TBC1D32: variants seen among roughly 807,000 people sequenced by gnomAD.
TBC1D32 encodes the protein protein broad-minded.
TBC1D32 carries 151 observed loss-of-function variants against 170.3 expected under a neutral mutation model. The ratio of observed to expected loss-of-function variants is 0.89; its 90% CI spans 0.78 to 1.01. The LOEUF (loss-of-function observed/expected upper bound fraction) is 1.01, where lower values mean the gene tolerates loss of function less well. Among genes scored for constraint, TBC1D32 ranks in the 50% least tolerant of loss-of-function variants. The pLI, the probability that TBC1D32 is intolerant of heterozygous loss-of-function variation, is 0.00. For synonymous variants in TBC1D32, 498 were observed against 488.0 expected (o/e 1.02, Z -0.27); for missense variants, 1,464 against 1,457.1 (o/e 1.00, Z -0.08).
At chr6:121,334,674 TCAGTAC>T (rs1375835668), upstream of TBC1D32, 1 of 558,022 alleles carries the variant, frequency 1.8e-6, no homozygotes, top group Non-Finnish European at 3.2e-6. Context: ...TTGCTAGCCT[TCAGTAC>T]CAGCAGACCT....
intron 30 of TBC1D32, chr6:121,095,933 A>T (rs537956895): frequency 1.4e-4 from 22 of 152,256 alleles, no homozygotes; most frequent in Admixed American, 1.4e-3. Flanking sequence ...TATCAGGATG[A>T]TGCTGGCCTT....
chr6:121,188,929 G>C (rs1011311176), intron 22 of TBC1D32, among the ~76,000 whole-genome samples: 1 of 152,014 alleles, frequency 6.6e-6, no homozygotes, highest in African/African-American at 2.4e-5. Flanking sequence ...TTTGGCCTTT[G>C]CTCCAATAGA....
At chr6:121,227,793 A>G (rs997083139) in intron 20 of TBC1D32, among the ~76,000 whole-genome samples, 5 of 152,066 alleles carry the variant, frequency 3.3e-5, no homozygotes, top group Non-Finnish European at 5.9e-5. Flanking sequence ...TGATGTTTTT[A>G]TATCAGTGTT....
chr6:121,087,226 T>G (rs1239280323), intron 31 of TBC1D32, among the ~76,000 whole-genome samples: 1 of 152,248 alleles, frequency 6.6e-6, no homozygotes, highest in Non-Finnish European at 1.5e-5. Flanking sequence ...AATCTTTCAG[T>G]GGTCTAATCT....
At chr6:121,334,184 A>T in intron 1 of TBC1D32, 92 bp downstream of exon 1, 1 of 1,079,052 alleles carries the variant, frequency 9.3e-7, no homozygotes, top group Non-Finnish European at 1.3e-6. Flanking sequence ...GCACTATTTT[A>T]AAAACAATAA....
chr6:121,231,339 A>G (rs1795711052), intron 20 of TBC1D32, among the ~76,000 whole-genome samples: 1 of 152,172 alleles, frequency 6.6e-6, no homozygotes, highest in African/African-American at 2.4e-5. Flanking sequence ...GCATGTGGGC[A>G]GTTCCATATT....
intron 22 of TBC1D32, among the ~76,000 whole-genome samples, chr6:121,193,331 G>A (rs1400212250): frequency 6.6e-6 from 1 of 152,282 alleles, no homozygotes; most frequent in East Asian, 1.9e-4. Flanking sequence ...ACATAGAGGA[G>A]GGGATCCAAC....
At chr6:121,195,827 A>G (rs1330800272) in intron 22 of TBC1D32, among the ~76,000 whole-genome samples, 1 of 152,188 alleles carries the variant, frequency 6.6e-6, no homozygotes, top group Non-Finnish European at 1.5e-5. Flanking sequence ...CACATCCCTG[A>G]AGGACAGTGT....
At chr6:121,220,556 A>G (rs1676458545) in intron 21 of TBC1D32, among the ~76,000 whole-genome samples, 1 of 152,148 alleles carries the variant, frequency 6.6e-6, no homozygotes, top group African/African-American at 2.4e-5. Flanking sequence ...TGAAGTAGCA[A>G]GTGCTGATGT....
intron 22 of TBC1D32, among the ~76,000 whole-genome samples, chr6:121,181,835 A>T (rs1788558378): frequency 6.6e-6 from 1 of 152,132 alleles, no homozygotes; most frequent in Non-Finnish European, 1.5e-5. Context: ...CATCGATGGA[A>T]CTGGACATCA....
At chr6:121,154,465 GT>G (rs1024270303) in intron 24 of TBC1D32, among the ~76,000 whole-genome samples, 5 of 152,082 alleles carry the variant, frequency 3.3e-5, no homozygotes, top group South Asian at 2.1e-4. Flanking sequence ...CAGATTATTT[GT>G]TTTTTACTTG....
chr6:121,242,468 T>C, intron 17 of TBC1D32, 129 bp from the exon 18 acceptor site: 3 of 767,814 alleles, frequency 3.9e-6, no homozygotes, highest in Non-Finnish European at 6.0e-6. Context: ...TGCAAATTAA[T>C]CAATAAAGGT....
intron 20 of TBC1D32, among the ~76,000 whole-genome samples, chr6:121,225,500 A>G (rs1385523527): frequency 6.6e-6 from 1 of 152,080 alleles, no homozygotes; most frequent in Non-Finnish European, 1.5e-5. Context: ...TTTATAAATC[A>G]CATATATCAA....
chr6:121,205,261 G>T, intron 21 of TBC1D32, 98 bp from the exon 22 acceptor site: 1 of 565,492 alleles, frequency 1.8e-6, no homozygotes, highest in Non-Finnish European at 3.0e-6. Flanking sequence ...TCTCAAATTT[G>T]CCTTTACAAG....
intron 19 of TBC1D32, among the ~76,000 whole-genome samples, chr6:121,240,120 G>A (rs146260579): frequency 2.0e-5 from 3 of 151,994 alleles, no homozygotes; most frequent in African/African-American, 4.8e-5. Flanking sequence ...TAGTACCTAC[G>A]ACATCGGAGA....
At chr6:121,217,765 A>T (rs1794016468) in intron 21 of TBC1D32, among the ~76,000 whole-genome samples, 1 of 152,210 alleles carries the variant, frequency 6.6e-6, no homozygotes, top group Non-Finnish European at 1.5e-5. Flanking sequence ...CCTATATAAC[A>T]ATCCTACACA....
intron 30 of TBC1D32, among the ~76,000 whole-genome samples, chr6:121,094,478 T>C (rs190492880): frequency 5.2e-4 from 79 of 152,260 alleles, no homozygotes; most frequent in African/African-American, 1.9e-3. Flanking sequence ...CTTCTGTATT[T>C]TTATAAAGTT....
Position 121,303,757 on chromosome 6 carries a change from T to C in TBC1D32, c.940A>G (p.Met314Val). The C allele has an allele frequency of 2.0e-6, 3 of 1,532,938 alleles. No individual in the cohort carries two copies. The highest frequency in any genetic ancestry group is 2.6e-5 in the South Asian group (2 of 77,322). 95.0% of individuals were successfully genotyped at this position (1,532,938 alleles called of 1,614,324 possible). The change falls in exon 9 of 32, where the codon ATG (methionine) becomes GTG (valine). Residue 314 changes from methionine (M) to valine (V), a missense_variant. Around this residue, in one of 3 missense-constraint regions of TBC1D32, gnomAD observed 1,363 missense variants for 1,338.1 expected, o/e 1.02. Transcript: ENST00000398212. ...SFWIRHPEKY[M>V]EEIVESTLSL... ...AAAGTACTCTCCACAATTTCTTCCA[T>C]ATACCTTAAAGTTTGGGAAAAAAGA...
At chr6:121,136,372 A>G (rs1782076720) in intron 24 of TBC1D32, among the ~76,000 whole-genome samples, 2 of 152,198 alleles carry the variant, frequency 1.3e-5, no homozygotes, top group Admixed American at 1.3e-4. Flanking sequence ...AACTAATCTT[A>G]TAGCAGTGGT....
Sources: allele counts gnomAD v4.1 joint callset (sites outside exome capture counted in the v4.1 genomes callset), GRCh38; gene constraint gnomAD v4.1.1; regional missense constraint gnomAD v4.1.1; transcripts MANE v1.5; gene names NCBI Gene and HGNC (gene_info 2026-07-23, HGNC 2026-07-21).